Variants in LIMA1 observed in about 807,000 individuals in gnomAD.
The protein encoded by LIMA1 is LIM domain and actin binding 1.
In LIMA1, 52 loss-of-function variants were observed where a neutral mutation model predicts 62.6. The ratio of observed to expected loss-of-function variants is 0.83; its 90% CI spans 0.67 to 1.05. LIMA1 has a LOEUF of 1.05. LIMA1 is among the 50% of genes least tolerant of loss of function. The pLI is 0.00. For synonymous variants in LIMA1, 302 were observed against 317.8 expected (o/e 0.95, Z 0.53); for missense variants, 780 against 902.2 (o/e 0.86, Z 1.74).
At chr12:50,202,286 TG>T (rs1179535081) in intron 6 of LIMA1, among the ~76,000 whole-genome samples, 3 of 152,178 alleles carry the variant, frequency 2.0e-5, no homozygotes, top group African/African-American at 7.2e-5. Flanking sequence ...GGAAATTCTT[TG>T]GGGATGAGAC....
intron 1 of LIMA1, among the ~76,000 whole-genome samples, chr12:50,262,369 T>C (rs1167215638): frequency 6.6e-6 from 1 of 152,158 alleles, no homozygotes; most frequent in Non-Finnish European, 1.5e-5. Context: ...CCCATGATTC[T>C]GATTCATTAG....
chr12:50,191,202 G>A (rs143642111), intron 9 of LIMA1: 4 of 151,270 alleles, frequency 2.6e-5, no homozygotes, highest in East Asian at 1.9e-4. Context: ...TGCACATCTC[G>A]TCCAATGTGC....
intron 2 of LIMA1, among the ~76,000 whole-genome samples, chr12:50,237,444 C>G (rs1941712343): frequency 6.6e-6 from 1 of 152,160 alleles, no homozygotes; most frequent in Non-Finnish European, 1.5e-5. Flanking sequence ...TAAGGCCAGC[C>G]TGGCCAACAT....
intron 1 of LIMA1, among the ~76,000 whole-genome samples, chr12:50,276,642 G>A (rs772426342): frequency 4.6e-5 from 7 of 152,086 alleles, no homozygotes; most frequent in African/African-American, 1.2e-4. Flanking sequence ...AGGCCGAGGC[G>A]GGCAGATTAC....
chr12:50,204,673 G>A lies in LIMA1; in HGVS notation c.743C>T (p.Ser248Leu), dbSNP rs370430368. The A allele has an allele frequency of 8.1e-6, 13 of 1,613,904 alleles. No individual in the cohort carries two copies. Among genetic ancestry groups the A allele is most frequent in the African/African-American group, 5.3e-5 (4 of 74,878 alleles). ...PGQLSSSTFD[S>L]EKNESRRNLE... ...ATTTCGTCTACTCTCATTTTTCTCC[G>A]AGTCAAATGTAGAAGATGACAACTG... Residue 248 changes from serine (S) to leucine (L), a missense_variant, in exon 6 of 11, where the codon TCG (serine) becomes TTG (leucine). Physicochemically the swap from Ser to Leu is moderately radical, Grantham distance 145. Transcript: ENST00000341247.
At chr12:50,237,614 G>C (rs1941714630) in intron 2 of LIMA1, among the ~76,000 whole-genome samples, 1 of 151,900 alleles carries the variant, frequency 6.6e-6, no homozygotes, top group Non-Finnish European at 1.5e-5. Flanking sequence ...TCCAGCCTGG[G>C]CAACAGAGTG....
At chr12:50,195,391 T>C (rs377518597) in intron 8 of LIMA1, among the ~76,000 whole-genome samples, 1 of 152,162 alleles carries the variant, frequency 6.6e-6, no homozygotes, top group Non-Finnish European at 1.5e-5. Context: ...AGGTTGACTA[T>C]AATATACATT....
chr12:50,260,058 C>T (rs1041242062), intron 1 of LIMA1, among the ~76,000 whole-genome samples: 2 of 152,046 alleles, frequency 1.3e-5, no homozygotes, highest in Non-Finnish European at 1.5e-5. Flanking sequence ...AGCTCACTTA[C>T]TCTCAACTCA....
chr12:50,207,723 T>C (rs956952423), intron 4 of LIMA1, among the ~76,000 whole-genome samples: 1 of 151,836 alleles, frequency 6.6e-6, no homozygotes, highest in African/African-American at 2.4e-5. Flanking sequence ...ACCCTGTCTC[T>C]ACTAAAAATA....
intron 1 of LIMA1, among the ~76,000 whole-genome samples, chr12:50,273,975 A>G (rs1490188457): frequency 4.6e-5 from 7 of 152,166 alleles, no homozygotes; most frequent in Non-Finnish European, 1.0e-4. Context: ...GTGGTAGGAA[A>G]ATAGTGGCCT....
intron 1 of LIMA1, among the ~76,000 whole-genome samples, chr12:50,270,233 CAAAAAAAAAAAAAAAA>C (rs60610107): frequency 1.5e-5 from 1 of 68,404 alleles, no homozygotes; most frequent in African/African-American, 6.0e-5. Flanking sequence ...GAAACTCTGT[CAAAAAAAAAAAAAAAA>C]AAAAAAAAAA....
At chr12:50,255,652 G>C (rs1215019858) in intron 1 of LIMA1, among the ~76,000 whole-genome samples, 1 of 150,224 alleles carries the variant, frequency 6.7e-6, no homozygotes, top group Non-Finnish European at 1.5e-5. Context: ...ATAGATTGTA[G>C]AGTTTTAGTT....
At chr12:50,223,345 C>T (rs1033410041) in intron 3 of LIMA1, among the ~76,000 whole-genome samples, 1 of 151,940 alleles carries the variant, frequency 6.6e-6, no homozygotes, top group Non-Finnish European at 1.5e-5. Flanking sequence ...TAACTGGGTG[C>T]AGTGGTGCAC....
At chr12:50,194,300 T>A (rs11169312) in intron 8 of LIMA1, among the ~76,000 whole-genome samples, 41,389 of 144,060 alleles carry the variant, frequency 0.29, 6,677 homozygotes, top group East Asian at 0.73. Context: ...GCAACATATA[T>A]ATATATTTTG....
intron 1 of LIMA1, among the ~76,000 whole-genome samples, chr12:50,263,810 T>TCTATATATATATATAGAGA (rs1323628499): frequency 2.8e-5 from 4 of 141,910 alleles, no homozygotes; most frequent in Admixed American, 7.3e-5. Context: ...TGTGTGTGTG[T>TCTATATATATATATAGAGA]GTGTCTATAT....
chr12:50,221,765 G>C (rs756398796), intron 4 of LIMA1, among the ~76,000 whole-genome samples: 42 of 152,106 alleles, frequency 2.8e-4, no homozygotes, highest in Admixed American at 5.2e-4. Flanking sequence ...TAATCCAATC[G>C]GTATTAAACT....
intron 2 of LIMA1, among the ~76,000 whole-genome samples, chr12:50,239,577 T>C (rs1043822826): frequency 1.3e-5 from 2 of 150,964 alleles, no homozygotes; most frequent in African/African-American, 4.9e-5. Context: ...GAAGAGGAAG[T>C]TGCAGTGAGC....
At chr12:50,274,507 G>T (rs1266467098) in intron 1 of LIMA1, among the ~76,000 whole-genome samples, 3 of 151,992 alleles carry the variant, frequency 2.0e-5, no homozygotes, top group Non-Finnish European at 2.9e-5. Flanking sequence ...TCTTGAACCT[G>T]GGAGTTGGAG....
At position 50,204,554 on chromosome 12, in the gene LIMA1, T is replaced by C; in HGVS notation, c.862A>G (p.Thr288Ala). The C allele has an allele frequency of 6.2e-7, 1 of 1,613,878 alleles. No homozygotes were observed. Among genetic ancestry groups the C allele is most frequent in the South Asian group, 1.1e-5 (1 of 91,056 alleles). Residue 288 changes from threonine to alanine, a missense_variant and splice_region_variant, in exon 6 of 11, where the codon ACA (threonine) becomes GCA (alanine). By Grantham distance (58) the Thr-to-Ala change is moderately conservative. Coordinates refer to ENST00000341247, the MANE Select transcript of LIMA1 (RefSeq NM_016357.5). ...VSKQSSSTNYTNELKASGGEI... is the reference protein window; with the variant it reads ...VSKQSSSTNYANELKASGGEI... ...AATGAATGATGCAGAACACATACTG[T>C]ATAGTTGGTTGAGCTGCTTTGTTTG...
Sources: allele counts gnomAD v4.1 joint callset (sites outside exome capture counted in the v4.1 genomes callset), GRCh38; gene constraint gnomAD v4.1.1; transcripts MANE v1.5; gene names NCBI Gene and HGNC (gene_info 2026-07-23, HGNC 2026-07-21).